Variants in SVIL observed in about 807,000 individuals in gnomAD.
The protein encoded by SVIL is supervillin.
A neutral mutation model predicts 240.4 loss-of-function variants in SVIL; 101 were observed. The observed-to-expected ratio is 0.42, with a 90% CI of 0.36 to 0.50. The LOEUF is 0.50. SVIL is among the 20% of genes least tolerant of loss of function. The pLI is 0.01. For synonymous variants in SVIL, 999 were observed against 1,100.0 expected, an observed-to-expected ratio of 0.91 and a Z score of 1.82; for missense variants, 2,512 against 2,818.7, an observed-to-expected ratio of 0.89 and a Z score of 2.46.
chr10:29,667,385 T>C (rs1453027669), intron 2 of SVIL, among the ~76,000 whole-genome samples: 1 of 152,124 alleles, frequency 6.6e-6, no homozygotes, highest in Non-Finnish European at 1.5e-5. Context: ...GTGACTCCAT[T>C]TGCATAACAT....
chr10:29,661,221 T>A (rs1959153174), intron 2 of SVIL, among the ~76,000 whole-genome samples: 1 of 149,552 alleles, frequency 6.7e-6, no homozygotes, highest in African/African-American at 2.5e-5. Context: ...AGAAATCTGG[T>A]TTGCTTAAAG....
At chr10:29,548,892 A>T (rs1952942588) in intron 6 of SVIL, among the ~76,000 whole-genome samples, 2 of 152,244 alleles carry the variant, frequency 1.3e-5, no homozygotes, top group South Asian at 4.1e-4. Flanking sequence ...TGAGGAGTCC[A>T]TGAAAGTGTC....
rs530860371 is a variant in SVIL at position 29,735,075 on chromosome 10, C to T, written c.-400+676G>A. 5.9e-5 allele frequency among the ~76,000 whole-genome samples: 9 copies of T among 151,806 alleles called. No individual in the cohort carries two copies. Among genetic ancestry groups the T allele is most frequent in the South Asian group, 2.1e-4 (1 of 4,800 alleles). On this transcript the variant is annotated intron_variant, in intron 1 of 35. Coordinates refer to the SVIL transcript ENST00000375400. The surrounding 1 kb of genome is among the most constrained non-coding windows in gnomAD (Gnocchi z 4.1). ...CGCTCACTCACTGTAATGCAATTACCGCCTTCTGGAGCTCCACTCGGGGTG... is the reference window on the plus strand; with the variant it reads ...CGCTCACTCACTGTAATGCAATTACTGCCTTCTGGAGCTCCACTCGGGGTG...
chr10:29,550,164 A>T (rs1953152382), intron 6 of SVIL, among the ~76,000 whole-genome samples: 1 of 151,930 alleles, frequency 6.6e-6, no homozygotes. Flanking sequence ...TAGGCCAGGT[A>T]CGGTGGCTCA....
At chr10:29,540,815 C>T (rs1952094055) in intron 6 of SVIL, among the ~76,000 whole-genome samples, 1 of 152,206 alleles carries the variant, frequency 6.6e-6, no homozygotes, top group Non-Finnish European at 1.5e-5. Context: ...TTCTGCAGAA[C>T]CTAACTACCT....
intron 16 of SVIL, among the ~76,000 whole-genome samples, chr10:29,518,403 T>C (rs995504661): frequency 4.0e-5 from 6 of 151,614 alleles, no homozygotes; most frequent in African/African-American, 9.7e-5. Flanking sequence ...AATAAACAAA[T>C]AAATAAATAA....
At chr10:29,677,422 G>C (rs1393134067) in intron 2 of SVIL, among the ~76,000 whole-genome samples, 1 of 151,944 alleles carries the variant, frequency 6.6e-6, no homozygotes, top group Non-Finnish European at 1.5e-5. Flanking sequence ...ATAACACCTG[G>C]GTCAGAATGA....
Position 29,481,644 on chromosome 10 carries a change from C to T in SVIL, c.5040G>A (p.Leu1680=), listed in dbSNP as rs750369422. ...TCGATCTCTTCAGTTCCGTCCAATC[C>T]AGAAACTTCTCTTTGAACAAAATCG... The part of the protein sequence containing the change: ...NETILFKEKF[L]DWTELKRSNE... The change falls in exon 28 of 38, where the codon CTG becomes CTA. Residue 1680 remains leucine (L), a synonymous_variant. Transcript: ENST00000355867. 2.2e-5 allele frequency: 36 copies of T among 1,613,980 alleles called. No homozygotes were observed. In the African/African-American group the frequency reaches 4.7e-4, roughly 21 times the overall value.
chr10:29,519,190 T>C (rs1950408543), intron 16 of SVIL, among the ~76,000 whole-genome samples: 1 of 152,240 alleles, frequency 6.6e-6, no homozygotes, highest in Non-Finnish European at 1.5e-5. Context: ...TTTCTAACAC[T>C]GCTGTCTAGC....
chr10:29,526,936 G>A (rs1332295236), intron 13 of SVIL, 25 bp downstream of exon 13: 8 of 1,518,436 alleles, frequency 5.3e-6, no homozygotes, highest in East Asian at 4.8e-5. Context: ...ACCGGGTGCC[G>A]CATGCATCTG....
intron 29 of SVIL, among the ~76,000 whole-genome samples, chr10:29,478,250 C>T (rs1212315456): frequency 2.6e-5 from 4 of 152,188 alleles, no homozygotes; most frequent in South Asian, 2.1e-4. Context: ...CGTAAGTCCA[C>T]GACAGTGACT....
Position 29,496,274 on chromosome 10 carries a change from G to A in SVIL, c.3665-1093C>T, listed in dbSNP as rs1348734461. On this transcript the variant is annotated intron_variant, in intron 18 of 37. Coordinates refer to ENST00000355867, the MANE Select transcript of SVIL (RefSeq NM_021738.3). ...TATTTGATTGATGGTGTCAATAAAA[G>A]TTTTAAAATTTGTTTCAATTGCCAG... 12 of 372,008 alleles carry A rather than the reference G, an allele frequency of 3.2e-5. No homozygotes were observed. The East Asian group carries it at 6.8e-4, about 21-fold the overall frequency. 23.0% of individuals were successfully genotyped at this position (372,008 alleles called of 1,614,324 possible). A position where few individuals can be genotyped will look rare whatever the true frequency, so the allele number is the denominator to read the frequency against.
chr10:29,584,387 T>C (rs997150103), intron 1 of SVIL, among the ~76,000 whole-genome samples: 35 of 152,206 alleles, frequency 2.3e-4, no homozygotes, highest in African/African-American at 8.4e-4. Flanking sequence ...TCCTTATCTA[T>C]GAGGAACATC....
At chr10:29,511,666 A>C (rs1240197224) in intron 17 of SVIL, among the ~76,000 whole-genome samples, 1 of 152,248 alleles carries the variant, frequency 6.6e-6, no homozygotes, top group Non-Finnish European at 1.5e-5. Flanking sequence ...GTTATATTTG[A>C]GAATTTTACA....
intron 2 of SVIL, among the ~76,000 whole-genome samples, chr10:29,664,475 T>C (rs1333227276): frequency 6.6e-6 from 1 of 152,196 alleles, no homozygotes; most frequent in African/African-American, 2.4e-5. Context: ...GTCTCCTTAA[T>C]TCATGCCAAA....
At chr10:29,598,012 G>A (rs1956664610) in intron 1 of SVIL, among the ~76,000 whole-genome samples, 1 of 152,080 alleles carries the variant, frequency 6.6e-6, no homozygotes, top group African/African-American at 2.4e-5. Flanking sequence ...GTCCCTTGAT[G>A]GGTGAATGGG....
chr10:29,493,857 G>T (rs942987685), intron 20 of SVIL, among the ~76,000 whole-genome samples: 8 of 152,158 alleles, frequency 5.3e-5, no homozygotes, highest in African/African-American at 1.7e-4. Context: ...AAATGGGCAT[G>T]GATATGTTTC....
intron 6 of SVIL, among the ~76,000 whole-genome samples, chr10:29,540,444 AGG>A (rs1952062954): frequency 6.6e-6 from 1 of 152,200 alleles, no homozygotes; most frequent in African/African-American, 2.4e-5. Context: ...CAACTCTAAG[AGG>A]TCTTCTCGTC....
intron 1 of SVIL, among the ~76,000 whole-genome samples, chr10:29,705,648 C>A (rs1256504215): frequency 6.6e-6 from 1 of 152,106 alleles, no homozygotes; most frequent in African/African-American, 2.4e-5. Flanking sequence ...GACCCGCAAC[C>A]CCCGAAAGGC....
Sources: allele counts gnomAD v4.1 joint callset (sites outside exome capture counted in the v4.1 genomes callset), GRCh38; gene constraint gnomAD v4.1.1; non-coding constraint Gnocchi (gnomAD v3.1); transcripts MANE v1.5; gene names NCBI Gene and HGNC (gene_info 2026-07-23, HGNC 2026-07-21).